Variants in ERCC4 observed in about 807,000 individuals in gnomAD.
ERCC4 encodes DNA repair endonuclease XPF.
ERCC4 carries 65 observed loss-of-function variants against 76.9 expected under a neutral mutation model. The ratio of observed to expected loss-of-function variants is 0.84; its 90% CI spans 0.69 to 1.04. ERCC4 has a LOEUF of 1.04. ERCC4 is among the 50% of genes least tolerant of loss of function. The pLI is 0.00. For missense variants in ERCC4, 1,214 were observed against 1,128.2 expected, an observed-to-expected ratio of 1.08 and a Z score of -1.09; for synonymous variants, 463 against 410.1, an observed-to-expected ratio of 1.13 and a Z score of -1.56.
Position 13,948,062 on chromosome 16 carries a change from G to A in ERCC4, c.2466G>A (p.Gln822=), listed in dbSNP as rs757316495. 21 of 1,614,030 alleles carry A rather than the reference G, an allele frequency of 1.3e-5. No homozygotes were observed. Among genetic ancestry groups the A allele is most frequent in the African/African-American group, 6.7e-5 (5 of 74,904 alleles). ...AGGAGCTGAAACAAAGCAAGCCACA[G>A]CCTGATGCGGCGACAGCACTGGCCA... ...LFEELKQSKP[Q]PDAATALAIT... The change falls in exon 11 of 11, where the codon CAG becomes CAA. Residue 822 remains glutamine, a synonymous_variant. Coordinates refer to ENST00000311895, the MANE Select transcript of ERCC4 (RefSeq NM_005236.3).
At chr16:13,925,021 A>G (rs1317945897) in intron 2 of ERCC4, among the ~76,000 whole-genome samples, 1 of 152,346 alleles carries the variant, frequency 6.6e-6, no homozygotes, top group Non-Finnish European at 1.5e-5. Flanking sequence ...TAGGAATAAC[A>G]TGATTTTACA....
intron 4 of ERCC4, among the ~76,000 whole-genome samples, chr16:13,928,810 G>A (rs1048421324): frequency 3.9e-5 from 6 of 151,956 alleles, no homozygotes; most frequent in African/African-American, 1.2e-4. Flanking sequence ...ATACATAAAC[G>A]TCTAGTATTG....
intron 9 of ERCC4, chr16:13,944,002 G>A (rs1205171798): frequency 6.6e-6 from 1 of 152,406 alleles, no homozygotes; most frequent in Non-Finnish European, 1.5e-5. Context: ...GAGCCACCTT[G>A]AAGACAGGAA....
intron 9 of ERCC4, among the ~76,000 whole-genome samples, chr16:13,938,228 A>G (rs1357433304): frequency 2.0e-5 from 3 of 152,148 alleles, no homozygotes; most frequent in Non-Finnish European, 1.5e-5. Flanking sequence ...CTTATGCACA[A>G]TATGTCCTTG....
Position 13,926,660 on chromosome 16 carries a change from C to G in ERCC4, c.488C>G (p.Ala163Gly). Residue 163 changes from alanine (A) to glycine (G), a missense_variant, in exon 3 of 11, where the codon GCT becomes GGT. By Grantham distance (60) the Ala-to-Gly change is moderately conservative (BLOSUM62 0). Transcript: ENST00000311895. ...RQKNKRGFIK[A>G]FTDNAVAFDT... ...AAAAACAAACGTGGTTTTATTAAAG[C>G]TTTCACAGACAATGCTGTTGCCTTT... is the stretch of plus-strand genomic sequence containing the variant. 6.2e-7 allele frequency: 1 copy of G among 1,614,016 alleles called. No homozygotes were observed. The highest frequency in any genetic ancestry group is 1.7e-5 in the Admixed American group (1 of 60,026).
At chr16:13,927,782 G>GA (rs1205827927) in intron 3 of ERCC4, 1 of 479,914 alleles carries the variant, frequency 2.1e-6, no homozygotes, top group Non-Finnish European at 3.8e-6. Flanking sequence ...TGAGACTATA[G>GA]AAACAGGTAC....
chr16:13,928,730 T>G (rs1435141779), intron 4 of ERCC4, among the ~76,000 whole-genome samples: 1 of 152,150 alleles, frequency 6.6e-6, no homozygotes, highest in African/African-American at 2.4e-5. Flanking sequence ...TCTAACTAAT[T>G]TTTTATTATA....
chr16:13,935,292 A>T lies in ERCC4; in HGVS notation c.1360A>T (p.Arg454Trp). ...SKAEEVWMKF[R>W]KEDSSKRIRK... The stretch of plus-strand genomic sequence containing the variant: ...AGCTGAAGAAGTCTGGATGAAATTT[A>T]GGAAGGAAGACAGTTCAAAGAGAAT... The change falls in exon 8 of 11, where the codon AGG (arginine) becomes TGG (tryptophan). Residue 454 changes from arginine to tryptophan, a missense_variant. Transcript: ENST00000311895. 6.2e-7 allele frequency: 1 copy of T among 1,614,116 alleles called. No homozygotes were observed. The highest frequency in any genetic ancestry group is 8.5e-7 in the Non-Finnish European group (1 of 1,180,004).
intron 9 of ERCC4, among the ~76,000 whole-genome samples, chr16:13,938,988 A>T (rs980673488): frequency 1.3e-5 from 2 of 152,154 alleles, no homozygotes; most frequent in African/African-American, 4.8e-5. Context: ...TGCCTTGGCC[A>T]TGGATTCATC....
At chr16:13,921,930 C>G in intron 1 of ERCC4, 101 bp from the exon 2 acceptor site, 1 of 753,382 alleles carries the variant, frequency 1.3e-6, no homozygotes, top group Non-Finnish European at 2.3e-6. Context: ...TTATTAAGTT[C>G]ATTATCTCAG....
intron 7 of ERCC4, 113 bp downstream of exon 7, chr16:13,934,415 T>C (rs1156947752): frequency 1.3e-6 from 1 of 761,370 alleles, no homozygotes; most frequent in Non-Finnish European, 2.4e-6. Flanking sequence ...GGTGAAACCC[T>C]GTCTCTATTT....
intron 9 of ERCC4, among the ~76,000 whole-genome samples, chr16:13,943,144 C>T (rs1249178028): frequency 6.6e-6 from 1 of 152,178 alleles, no homozygotes; most frequent in Non-Finnish European, 1.5e-5. Flanking sequence ...ATTACAATTT[C>T]TGTTCTTTAG....
intron 8 of ERCC4, among the ~76,000 whole-genome samples, chr16:13,937,448 TTG>T (rs929129900): frequency 6.6e-6 from 1 of 152,200 alleles, no homozygotes; most frequent in African/African-American, 2.4e-5. Flanking sequence ...CCTCTAAAAT[TTG>T]TGTGTTTTTC....
At chr16:13,923,878 T>G (rs1020396184) in intron 2 of ERCC4, among the ~76,000 whole-genome samples, 2 of 152,190 alleles carry the variant, frequency 1.3e-5, no homozygotes, top group Non-Finnish European at 2.9e-5. Context: ...ATTTTTTTGT[T>G]GTGTTTAAAA....
intron 9 of ERCC4, among the ~76,000 whole-genome samples, chr16:13,943,649 T>C (rs2032457676): frequency 1.3e-5 from 2 of 152,204 alleles, no homozygotes; most frequent in African/African-American, 4.8e-5. Flanking sequence ...TTTTAACCCT[T>C]GTTGAAATTA....
chr16:13,920,938 G>C (rs2031961667), intron 1 of ERCC4, among the ~76,000 whole-genome samples: 1 of 152,170 alleles, frequency 6.6e-6, no homozygotes, highest in Non-Finnish European at 1.5e-5. Context: ...TGGGTGCAAG[G>C]GCACTGAAAG....
At chr16:13,932,081 G>A in intron 5 of ERCC4, 76 bp from the exon 6 acceptor site, 1 of 1,252,132 alleles carries the variant, frequency 8.0e-7, no homozygotes, top group Non-Finnish European at 1.2e-6. Context: ...TACGTATGTA[G>A]GTCATGTGAC....
rs886051659 is a variant in ERCC4, at chr16:13,930,757, G to A, written c.840G>A (p.Lys280=). 6 of 1,613,500 alleles carry A rather than the reference G, an allele frequency of 3.7e-6. No individual in the cohort carries two copies. The highest frequency in any genetic ancestry group is 2.7e-5 in the African/African-American group (2 of 74,912). ...CTTTGTGGCACCAGCTTGGAGCCAA[G>A]ACTAAATCCTTAGTTCAGGATTTGA... ...LDPLWHQLGA[K]TKSLVQDLKI... The change falls in exon 5 of 11, where the codon AAG becomes AAA. Residue 280 remains lysine (K), a synonymous_variant. Transcript: ENST00000311895.
In ERCC4 at chr16:13,949,711, A is replaced by T. The variant is rs891291368; in HGVS notation, c.*1364A>T. The T allele has an allele frequency of 1.3e-5, 3 of 232,806 alleles. No homozygotes were observed. Among genetic ancestry groups the T allele is most frequent in the Non-Finnish European group, 1.7e-5 (2 of 117,822 alleles). The allele number at this position is 232,806 out of a possible 1,614,324, so 14.4% of individuals were successfully genotyped here. ...CTTTTTACGTAAGTGTACAAATAGGATATTCACAGCATCTTTGTGCAGTTT... is the reference window on the plus strand; with the variant it reads ...CTTTTTACGTAAGTGTACAAATAGGTTATTCACAGCATCTTTGTGCAGTTT... On this transcript the variant is annotated 3_prime_UTR_variant, in exon 11 of 11. Coordinates refer to ENST00000311895, the MANE Select transcript of ERCC4 (RefSeq NM_005236.3).
Sources: allele counts gnomAD v4.1 joint callset (sites outside exome capture counted in the v4.1 genomes callset), GRCh38; gene constraint gnomAD v4.1.1; transcripts MANE v1.5; gene names NCBI Gene and HGNC (gene_info 2026-07-23, HGNC 2026-07-21).